Variants in KYNU observed in about 807,000 individuals in gnomAD.
The protein encoded by KYNU is L-kynurenine hydrolase.
A neutral mutation model predicts 59.2 loss-of-function variants in KYNU; 54 were observed. That is an observed-to-expected ratio of 0.91 (90% CI 0.73 to 1.14). KYNU has a LOEUF of 1.14. KYNU is among the 50% of genes most tolerant of loss of function. KYNU has a pLI of 0.00. For synonymous variants in KYNU, 177 were observed against 192.0 expected (o/e 0.92, Z 0.65); for missense variants, 567 against 554.4 (o/e 1.02, Z -0.23).
intron 4 of KYNU, among the ~76,000 whole-genome samples, chr2:142,952,699 A>G (rs892143858): frequency 9.2e-5 from 14 of 152,190 alleles, no homozygotes; most frequent in African/African-American, 3.4e-4. Flanking sequence ...TCAGCCTACC[A>G]TTATATCCAT....
At chr2:142,947,199 G>T (rs989936522) in intron 4 of KYNU, 2 of 1,550,742 alleles carry the variant, frequency 1.3e-6, no homozygotes, top group Non-Finnish European at 1.7e-6. Flanking sequence ...CACCTCTGAG[G>T]TTCCCAAGAA....
chr2:142,999,070 C>G (rs1685633810), intron 10 of KYNU, among the ~76,000 whole-genome samples: 2 of 148,846 alleles, frequency 1.3e-5, no homozygotes, highest in Non-Finnish European at 3.0e-5. Context: ...CTATTCTAGT[C>G]TATCCTAGCC....
chr2:143,024,046 A>G (rs758578163), intron 10 of KYNU, among the ~76,000 whole-genome samples: 12 of 151,850 alleles, frequency 7.9e-5, no homozygotes, highest in Non-Finnish European at 1.8e-4. Flanking sequence ...CAAAAGTATA[A>G]ATAGAAAATG....
intron 2 of KYNU, among the ~76,000 whole-genome samples, chr2:142,889,310 G>C (rs1348070044): frequency 6.6e-6 from 1 of 152,080 alleles, no homozygotes; most frequent in South Asian, 2.1e-4. Context: ...AGACAGTGGC[G>C]GGGGGACTCA....
chr2:143,023,778 A>G (rs1015831491), intron 10 of KYNU, among the ~76,000 whole-genome samples: 1 of 151,860 alleles, frequency 6.6e-6, no homozygotes, highest in Non-Finnish European at 1.5e-5. Context: ...ATATCAAAAT[A>G]AGTACTAAAT....
intron 4 of KYNU, among the ~76,000 whole-genome samples, chr2:142,933,057 A>T (rs903742006): frequency 1.3e-5 from 2 of 152,132 alleles, no homozygotes; most frequent in African/African-American, 4.8e-5. Context: ...AGTACACTGC[A>T]GTGAGTTGGC....
rs1201647782 is a variant in KYNU at position 142,912,762 on chromosome 2, T to A, written c.170-5847T>A. Among the ~76,000 whole-genome samples the A allele has an allele frequency of 1.2e-4, 17 of 139,422 alleles. No homozygotes were observed. In the South Asian group the frequency reaches 3.8e-3, roughly 31 times the overall value. 91.5% of individuals were successfully genotyped at this position (139,422 alleles called of 152,430 possible). A position where few individuals can be genotyped will look rare whatever the true frequency, so the allele number is the denominator to read the frequency against. The stretch of plus-strand genomic sequence containing the variant: ...TCTTGCTCTGTCACCCAGGCTGGAG[T>A]GCAGTGGCACGATCTCGGCTCATTG... On this transcript the variant is annotated intron_variant, in intron 2 of 13. Transcript: ENST00000264170.
intron 10 of KYNU, 49 bp from the exon 11 acceptor site, chr2:143,029,578 T>C: frequency 8.4e-7 from 1 of 1,184,384 alleles, no homozygotes; most frequent in Non-Finnish European, 1.3e-6. Flanking sequence ...AGAGCAAGAC[T>C]CCATCCAAAA....
intron 8 of KYNU, among the ~76,000 whole-genome samples, chr2:142,976,374 TG>T (rs1229082579): frequency 6.6e-6 from 1 of 152,232 alleles, no homozygotes; most frequent in African/African-American, 2.4e-5. Context: ...AGTATATTCA[TG>T]GCATCCAGTT....
At chr2:142,912,876 A>T (rs926513841) in intron 2 of KYNU, among the ~76,000 whole-genome samples, 1 of 149,020 alleles carries the variant, frequency 6.7e-6, no homozygotes, top group Non-Finnish European at 1.5e-5. Flanking sequence ...CACCTGGCTA[A>T]TTTTTTTTTG....
intron 12 of KYNU, among the ~76,000 whole-genome samples, chr2:143,035,775 A>T (rs540993964): frequency 2.0e-4 from 30 of 151,966 alleles, no homozygotes; most frequent in East Asian, 1.5e-3. Flanking sequence ...TTATTTATTT[A>T]TTTTATTTCT....
At chr2:142,950,686 G>T (rs975084644) in intron 4 of KYNU, among the ~76,000 whole-genome samples, 2 of 152,206 alleles carry the variant, frequency 1.3e-5, no homozygotes, top group Admixed American at 1.3e-4. Flanking sequence ...TATGAAGGCT[G>T]TTGGTCTTTC....
Position 143,052,946 on chromosome 2 carries a change from A to C in KYNU, c.*10774A>C, listed in dbSNP as rs1331804591. 1 of 152,394 alleles carries C rather than the reference A, an allele frequency of 6.6e-6. No individual in the cohort carries two copies. Among genetic ancestry groups the C allele is most frequent in the African/African-American group, 2.4e-5 (1 of 41,480 alleles). The allele number at this position is 152,394 out of a possible 1,614,324, so 9.4% of individuals were successfully genotyped here. A position where few individuals can be genotyped will look rare whatever the true frequency, so the allele number is the denominator to read the frequency against. On this transcript the variant is annotated 3_prime_UTR_variant, in exon 14 of 14. Transcript: ENST00000264170. ...GCAGACAATTCCAGCCTGTTAAAGCAGCCAGGAGGGGGCTATACCCTGCAA... is the reference window on the plus strand; with the variant it reads ...GCAGACAATTCCAGCCTGTTAAAGCCGCCAGGAGGGGGCTATACCCTGCAA...
chr2:143,023,346 T>C (rs764234142), intron 10 of KYNU, among the ~76,000 whole-genome samples: 4 of 151,940 alleles, frequency 2.6e-5, no homozygotes, highest in Non-Finnish European at 5.9e-5. Context: ...GTCAGCAATA[T>C]ATACTTTTTG....
intron 2 of KYNU, among the ~76,000 whole-genome samples, chr2:142,901,807 T>C (rs189600954): frequency 6.6e-6 from 1 of 152,212 alleles, no homozygotes; most frequent in Non-Finnish European, 1.5e-5. Context: ...GACCACTGCA[T>C]ACCTCGCTTT....
chr2:143,032,000 G>T (rs879312648), intron 11 of KYNU, among the ~76,000 whole-genome samples: 2 of 151,718 alleles, frequency 1.3e-5, no homozygotes, highest in Non-Finnish European at 2.9e-5. Context: ...GTTTTTGGCC[G>T]GGCGTGGTGG....
At chr2:142,967,369 T>TCCAA (rs1463760152) in intron 8 of KYNU, 1 of 152,168 alleles carries the variant, frequency 6.6e-6, no homozygotes, top group Non-Finnish European at 1.5e-5. Flanking sequence ...TTCTGCAAAC[T>TCCAA]CCAACATTGT....
chr2:143,052,236 T>C lies in KYNU; in HGVS notation c.*10064T>C, dbSNP rs536419275. 6.6e-6 allele frequency: 1 copy of C among 152,492 alleles called. No homozygotes were observed. The highest frequency in any genetic ancestry group is 1.9e-4 in the East Asian group (1 of 5,196). The allele number at this position is 152,492 out of a possible 1,614,324, so 9.4% of individuals were successfully genotyped here. Reference sequence around the variant, plus strand: ...AGCATTCAAGAGGTGACTTGGTTGCTATTAAAGGCATTCAGTTTTAAAAGG... The same window carrying C: ...AGCATTCAAGAGGTGACTTGGTTGCCATTAAAGGCATTCAGTTTTAAAAGG... On this transcript the variant is annotated 3_prime_UTR_variant, in exon 14 of 14. Coordinates refer to ENST00000264170, the MANE Select transcript of KYNU (RefSeq NM_003937.3).
At chr2:143,006,374 A>G (rs1334521367) in intron 10 of KYNU, among the ~76,000 whole-genome samples, 2 of 151,798 alleles carry the variant, frequency 1.3e-5, no homozygotes, top group Non-Finnish European at 2.9e-5. Flanking sequence ...GCACCACGAG[A>G]TTATATCCCA....
Sources: gnomAD v4.1 joint callset for allele counts (sites outside exome capture counted in the v4.1 genomes callset) on GRCh38, gnomAD v4.1.1 for gene constraint, MANE v1.5 for transcripts, NCBI Gene and HGNC (gene_info 2026-07-23, HGNC 2026-07-21) for gene names.